Variants in SLC7A9 observed in about 807,000 individuals in gnomAD.
SLC7A9 encodes the protein solute carrier family 7 member 9.
A neutral mutation model predicts 54.1 loss-of-function variants in SLC7A9; 38 were observed. The ratio of observed to expected loss-of-function variants is 0.70; its 90% CI spans 0.54 to 0.92. The LOEUF (loss-of-function observed/expected upper bound fraction) is 0.92. Among genes scored for constraint, SLC7A9 ranks in the 40% least tolerant of loss-of-function variants. SLC7A9 has a pLI of 0.00. For synonymous variants in SLC7A9, 264 were observed against 258.9 expected, an observed-to-expected ratio of 1.02 and a Z score of -0.19; for missense variants, 537 against 636.1, an observed-to-expected ratio of 0.84 and a Z score of 1.68.
Position 32,862,496 on chromosome 19 carries a change from A to G in SLC7A9, c.569T>C (p.Ile190Thr). 1.9e-6 allele frequency: 3 copies of G among 1,613,416 alleles called. No individual in the cohort carries two copies. Among genetic ancestry groups the G allele is most frequent in the Middle Eastern group, 1.8e-4 (1 of 5,566 alleles). Residue 190 changes from isoleucine to threonine, a missense_variant, in exon 5 of 13, where the codon ATC becomes ACC. Ile to Thr is a moderately conservative substitution (Grantham distance 89). Transcript: ENST00000023064. The part of the protein sequence containing the change: ...FTAAKLVIVA[I>T]IIISGLVLLA... ...GAGCACCAGCCCGCTGATGATGATG[A>G]TGGCCACGATCACCAGCTTGGCCGC...
At chr19:32,860,339 T>C (rs1289275980) in intron 7 of SLC7A9, 3 of 1,378,862 alleles carry the variant, frequency 2.2e-6, no homozygotes, top group Non-Finnish European at 1.9e-6. Flanking sequence ...GGCGAATCTC[T>C]TGAGGTTGGG....
chr19:32,834,612 AGAGT>A (rs1163787085), intron 11 of SLC7A9, among the ~76,000 whole-genome samples: 3 of 152,112 alleles, frequency 2.0e-5, no homozygotes, highest in African/African-American at 7.2e-5. Context: ...CCCAGGAGAC[AGAGT>A]GAGACTCTAA....
chr19:32,843,639 C>G (rs1968192303), intron 10 of SLC7A9, among the ~76,000 whole-genome samples: 1 of 152,146 alleles, frequency 6.6e-6, no homozygotes, highest in African/African-American at 2.4e-5. Context: ...CAAATGCACA[C>G]AGAAGCATTG....
intron 2 of SLC7A9, among the ~76,000 whole-genome samples, chr19:32,867,139 A>C (rs1968995353): frequency 6.6e-6 from 1 of 152,222 alleles, no homozygotes; most frequent in Non-Finnish European, 1.5e-5. Context: ...TGCTGGGGGC[A>C]GTACTTCCCA....
chr19:32,847,029 C>T (rs921514505), intron 9 of SLC7A9, among the ~76,000 whole-genome samples: 3 of 152,178 alleles, frequency 2.0e-5, no homozygotes, highest in Non-Finnish European at 4.4e-5. Flanking sequence ...ACCAAAAACC[C>T]ATCTGTACAT....
intron 7 of SLC7A9, 112 bp from the exon 8 acceptor site, chr19:32,860,076 A>C: frequency 6.3e-7 from 1 of 1,592,800 alleles, no homozygotes; most frequent in Non-Finnish European, 8.5e-7. Context: ...GCAGAGGCCC[A>C]GCAGGAACAT....
At chr19:32,857,612 A>T (rs1488511795) in intron 9 of SLC7A9, among the ~76,000 whole-genome samples, 1 of 152,182 alleles carries the variant, frequency 6.6e-6, no homozygotes, top group Non-Finnish European at 1.5e-5. Flanking sequence ...ACATACACAG[A>T]CTTTGTCAAT....
At chr19:32,831,650 T>G (rs1967799030) in intron 12 of SLC7A9, among the ~76,000 whole-genome samples, 1 of 152,228 alleles carries the variant, frequency 6.6e-6, no homozygotes, top group Non-Finnish European at 1.5e-5. Context: ...ACAAGTGCTT[T>G]CTTTTCAGAA....
At chr19:32,866,040 C>T (rs1968961050) in intron 2 of SLC7A9, among the ~76,000 whole-genome samples, 1 of 152,056 alleles carries the variant, frequency 6.6e-6, no homozygotes, top group African/African-American at 2.4e-5. Context: ...CCAACTCAAG[C>T]CCTACTCATA....
Position 32,852,060 on chromosome 19 carries a change from T to C in SLC7A9, c.977+6380A>G, listed in dbSNP as rs1221613004. Among the ~76,000 whole-genome samples, 8 of 152,114 alleles carry C rather than the reference T, an allele frequency of 5.3e-5. No homozygotes were observed. In the East Asian group the frequency reaches 1.3e-3, roughly 26 times the overall value. The stretch of plus-strand genomic sequence containing the variant: ...CGGGGAGGGATAGCATTAGGAGATA[T>C]ACCTAACGTTAAAATGACGAGTTAA... On this transcript the variant is annotated intron_variant, in intron 9 of 12. Transcript: ENST00000023064.
chr19:32,850,831 C>G (rs1968446288), intron 9 of SLC7A9, among the ~76,000 whole-genome samples: 3 of 152,100 alleles, frequency 2.0e-5, no homozygotes, highest in South Asian at 2.1e-4. Flanking sequence ...CAGAGAGATA[C>G]ATCAATGGAA....
intron 6 of SLC7A9, among the ~76,000 whole-genome samples, chr19:32,861,293 C>T (rs1568529418): frequency 6.6e-6 from 1 of 151,366 alleles, no homozygotes; most frequent in Admixed American, 6.6e-5. Context: ...GATCTCACCA[C>T]AGCACTCCAG....
chr19:32,860,243 G>A (rs945304708), intron 7 of SLC7A9: 32 of 1,411,236 alleles, frequency 2.3e-5, no homozygotes, highest in Admixed American at 5.4e-5. Flanking sequence ...AACTCTAAGC[G>A]TGCATAGTGA....
At chr19:32,838,620 T>A (rs1387081845) in intron 11 of SLC7A9, among the ~76,000 whole-genome samples, 1 of 147,062 alleles carries the variant, frequency 6.8e-6, no homozygotes, top group Non-Finnish European at 1.5e-5. Flanking sequence ...CTATAATATA[T>A]ACTTATATAC....
At chr19:32,855,864 C>T (rs62124984) in intron 9 of SLC7A9, among the ~76,000 whole-genome samples, 11,575 of 152,250 alleles carry the variant, frequency 0.076, 555 homozygotes, top group East Asian at 0.23. Context: ...CTGCTCATTG[C>T]ACCCTTGCAA....
At chr19:32,844,006 G>A (rs1441285642) in intron 9 of SLC7A9, 55 bp from the exon 10 acceptor site, 10 of 1,333,610 alleles carry the variant, frequency 7.5e-6, no homozygotes, top group Non-Finnish European at 1.1e-5. Flanking sequence ...ATCTGTCCAG[G>A]GCCACTGAGG....
intron 9 of SLC7A9, among the ~76,000 whole-genome samples, chr19:32,855,026 C>A (rs1968577975): frequency 6.6e-6 from 1 of 152,196 alleles, no homozygotes; most frequent in African/African-American, 2.4e-5. Flanking sequence ...TTATTCACCA[C>A]AGCCAAGACA....
At chr19:32,866,773 C>T (rs1379458410) in intron 2 of SLC7A9, among the ~76,000 whole-genome samples, 5 of 152,134 alleles carry the variant, frequency 3.3e-5, no homozygotes, top group Non-Finnish European at 5.9e-5. Context: ...GCCAGCCCTC[C>T]GGTCAAGCCC....
intron 7 of SLC7A9, 191 bp from the exon 8 acceptor site, chr19:32,860,155 A>G: frequency 1.3e-6 from 2 of 1,522,910 alleles, no homozygotes; most frequent in South Asian, 2.4e-5. Context: ...CTGTTTATAA[A>G]GCAAAATAAG....
Sources: allele counts gnomAD v4.1 joint callset (sites outside exome capture counted in the v4.1 genomes callset), GRCh38; gene constraint gnomAD v4.1.1; transcripts MANE v1.5; gene names NCBI Gene and HGNC (gene_info 2026-07-23, HGNC 2026-07-21).